B3GALT1: variants seen among roughly 807,000 people sequenced by gnomAD.
B3GALT1 encodes the protein beta-1,3-galactosyltransferase 1, also known as UDP-Gal:betaGlcNAc beta 1,3-galactosyltransferase, polypeptide 1.
Under a neutral mutation model 23.2 loss-of-function variants are expected in B3GALT1, and 10 were observed. That is an observed-to-expected ratio of 0.43 (90% CI 0.27 to 0.73). The LOEUF is 0.73. B3GALT1 is among the 30% of genes least tolerant of loss of function. The pLI is 0.21. For synonymous variants in B3GALT1, 156 were observed against 141.5 expected (o/e 1.10, Z -0.73); for missense variants, 299 against 405.4 (o/e 0.74, Z 2.25).
chr2:167,530,856 C>A (rs1683314827), intron 2 of B3GALT1, among the ~76,000 whole-genome samples: 2 of 152,076 alleles, frequency 1.3e-5, no homozygotes, highest in African/African-American at 2.4e-5. Context: ...TTTTGTAGAT[C>A]TTCTGGGGAA....
chr2:167,722,104 T>C (rs1363468494), intron 3 of B3GALT1, among the ~76,000 whole-genome samples: 1 of 152,212 alleles, frequency 6.6e-6, no homozygotes, highest in Non-Finnish European at 1.5e-5. Context: ...GTCAACTAAT[T>C]AGTCTTCTCA....
chr2:167,620,838 G>A (rs528686054), intron 2 of B3GALT1, among the ~76,000 whole-genome samples: 41 of 152,140 alleles, frequency 2.7e-4, no homozygotes, highest in African/African-American at 9.9e-4. Context: ...TTCAATGGCT[G>A]TTAAATCATT....
At chr2:167,615,063 A>G (rs887264796) in intron 2 of B3GALT1, among the ~76,000 whole-genome samples, 1 of 152,124 alleles carries the variant, frequency 6.6e-6, no homozygotes, top group African/African-American at 2.4e-5. Flanking sequence ...AGAAGTAACA[A>G]ATGAAAATAA....
chr2:167,303,040 G>C (rs993510712), intron 1 of B3GALT1, among the ~76,000 whole-genome samples: 1 of 152,128 alleles, frequency 6.6e-6, no homozygotes, highest in Non-Finnish European at 1.5e-5. Flanking sequence ...GAATGATTTT[G>C]ATGATCTCAT....
At chr2:167,803,242 C>G (rs982169094) in intron 3 of B3GALT1, among the ~76,000 whole-genome samples, 1 of 152,110 alleles carries the variant, frequency 6.6e-6, no homozygotes, top group African/African-American at 2.4e-5. Flanking sequence ...AACAAGATGG[C>G]TAAATGGGTC....
At chr2:167,407,393 A>C (rs1698300885) in intron 1 of B3GALT1, among the ~76,000 whole-genome samples, 1 of 152,188 alleles carries the variant, frequency 6.6e-6, no homozygotes, top group South Asian at 2.1e-4. Context: ...AAAAGTAAAA[A>C]GACTTTAAAT....
intron 4 of B3GALT1, among the ~76,000 whole-genome samples, chr2:167,827,953 A>G (rs564093726): frequency 2.0e-5 from 3 of 152,292 alleles, no homozygotes; most frequent in East Asian, 3.9e-4. Context: ...TCACAACCAC[A>G]GCATTCAGCC....
At chr2:167,468,910 C>T (rs1699384778) in intron 1 of B3GALT1, among the ~76,000 whole-genome samples, 1 of 152,172 alleles carries the variant, frequency 6.6e-6, no homozygotes, top group South Asian at 2.1e-4. Flanking sequence ...TTAAAACTTA[C>T]TCCATAAAAT....
intron 3 of B3GALT1, among the ~76,000 whole-genome samples, chr2:167,743,914 C>G (rs145836505): frequency 5.3e-5 from 8 of 152,158 alleles, no homozygotes; most frequent in African/African-American, 1.7e-4. Context: ...GGCTTAGCTA[C>G]AAACATTTAA....
At chr2:167,624,532 C>T (rs1287065065) in intron 2 of B3GALT1, among the ~76,000 whole-genome samples, 2 of 152,010 alleles carry the variant, frequency 1.3e-5, no homozygotes, top group Non-Finnish European at 2.9e-5. Context: ...CAGACATGAG[C>T]GTTTTATTTG....
rs1216719787 is a variant in B3GALT1, at chr2:167,532,636, C to T, written c.-410+42359C>T. On this transcript the variant is annotated intron_variant, in intron 2 of 4. Coordinates refer to ENST00000392690, the MANE Select transcript of B3GALT1 (RefSeq NM_020981.4). The stretch of plus-strand genomic sequence containing the variant: ...AGGAGAAAAAAAAATAACGTTCATA[C>T]TCACATATATGTTATGCTTATGTAT... Among the ~76,000 whole-genome samples the T allele has an allele frequency of 3.6e-4, 55 of 151,878 alleles. 1 individual carries two copies. The highest frequency in any genetic ancestry group is 3.6e-3 in the Admixed American group (55 of 15,206).
At chr2:167,565,380 G>A (rs548562679) in intron 2 of B3GALT1, among the ~76,000 whole-genome samples, 9 of 152,230 alleles carry the variant, frequency 5.9e-5, no homozygotes, top group Admixed American at 2.0e-4. Context: ...AGACTTAAAC[G>A]TCAGACCTAA....
chr2:167,369,946 A>G (rs962794833), intron 1 of B3GALT1, among the ~76,000 whole-genome samples: 1 of 152,212 alleles, frequency 6.6e-6, no homozygotes, highest in Non-Finnish European at 1.5e-5. Flanking sequence ...TTCCAGGTCA[A>G]TTAAATATAA....
At chr2:167,516,435 T>G (rs997780539) in intron 2 of B3GALT1, among the ~76,000 whole-genome samples, 1 of 151,172 alleles carries the variant, frequency 6.6e-6, no homozygotes, top group Non-Finnish European at 1.5e-5. Context: ...TGTCAAACTT[T>G]ACTGTGATAT....
chr2:167,471,596 G>C (rs2105331202), intron 1 of B3GALT1, among the ~76,000 whole-genome samples: 1 of 152,272 alleles, frequency 6.6e-6, no homozygotes, highest in Admixed American at 6.5e-5. Context: ...CCAGCTTCAA[G>C]ATGGAACATG....
chr2:167,863,970 C>A (rs1205110997), intron 4 of B3GALT1, among the ~76,000 whole-genome samples: 2 of 147,366 alleles, frequency 1.4e-5, no homozygotes, highest in Non-Finnish European at 3.0e-5. Flanking sequence ...AATAGTGATT[C>A]TGTGTGCATG....
intron 2 of B3GALT1, among the ~76,000 whole-genome samples, chr2:167,610,056 T>C (rs925614489): frequency 5.3e-5 from 8 of 152,104 alleles, no homozygotes; most frequent in Admixed American, 2.0e-4. Context: ...AAAAAAATAT[T>C]TTTTTGAGAG....
intron 4 of B3GALT1, among the ~76,000 whole-genome samples, chr2:167,842,334 C>T (rs1328836562): frequency 6.6e-6 from 1 of 152,188 alleles, no homozygotes; most frequent in African/African-American, 2.4e-5. Flanking sequence ...TTCTTTCCCA[C>T]ATCTGTTCAA....
At chr2:167,605,369 A>G (rs76096672) in intron 2 of B3GALT1, among the ~76,000 whole-genome samples, 2 of 152,044 alleles carry the variant, frequency 1.3e-5, no homozygotes. Flanking sequence ...CCTCTTCTGC[A>G]TGGTGTTGGC....
Sources: gnomAD v4.1 joint callset for allele counts (sites outside exome capture counted in the v4.1 genomes callset) on GRCh38, gnomAD v4.1.1 for gene constraint, MANE v1.5 for transcripts, NCBI Gene and HGNC (gene_info 2026-07-23, HGNC 2026-07-21) for gene names.